Variants in PDE4D observed in about 807,000 individuals in gnomAD.
PDE4D encodes the protein 3',5'-cyclic-AMP phosphodiesterase 4D.
Under a neutral mutation model 87.4 loss-of-function variants are expected in PDE4D, and 24 were observed. That is an observed-to-expected ratio of 0.27 (90% CI 0.20 to 0.39). The LOEUF (loss-of-function observed/expected upper bound fraction) is 0.39. Ranked by LOEUF, PDE4D falls within the 10% of genes least tolerant of loss-of-function variation. The pLI is 1.00. For missense variants in PDE4D, 714 were observed against 1,041.0 expected, an observed-to-expected ratio of 0.69 and a Z score of 4.32; for synonymous variants, 384 against 383.2, an observed-to-expected ratio of 1.00 and a Z score of -0.02.
intron 2 of PDE4D, among the ~76,000 whole-genome samples, chr5:60,063,021 C>T (rs1402882840): frequency 6.7e-6 from 1 of 149,994 alleles, no homozygotes; most frequent in Non-Finnish European, 1.5e-5. Flanking sequence ...CATCGTGACA[C>T]ACATATACTG....
chr5:59,813,767 C>T (rs1768648709), intron 1 of PDE4D, among the ~76,000 whole-genome samples: 1 of 152,184 alleles, frequency 6.6e-6, no homozygotes, highest in South Asian at 2.1e-4. Context: ...GTTGCCAATG[C>T]TTGGCACATC....
At chr5:60,212,563 G>C (rs993473365) in intron 1 of PDE4D, among the ~76,000 whole-genome samples, 3 of 152,120 alleles carry the variant, frequency 2.0e-5, no homozygotes, top group Non-Finnish European at 4.4e-5. Flanking sequence ...CTGGTTTCCA[G>C]AGTTCAGTTT....
intron 1 of PDE4D, among the ~76,000 whole-genome samples, chr5:60,217,652 T>G (rs1054375687): frequency 6.6e-6 from 1 of 151,954 alleles, no homozygotes; most frequent in Non-Finnish European, 1.5e-5. Flanking sequence ...CAGATACTTG[T>G]TAATTTGATT....
intron 3 of PDE4D, among the ~76,000 whole-genome samples, chr5:59,926,432 T>A (rs1253841120): frequency 6.6e-6 from 1 of 151,780 alleles, no homozygotes; most frequent in African/African-American, 2.4e-5. Context: ...AAAACCCTAA[T>A]GATGCACCTG....
chr5:60,232,281 C>T (rs1745906531), intron 1 of PDE4D, among the ~76,000 whole-genome samples: 1 of 151,924 alleles, frequency 6.6e-6, no homozygotes, highest in East Asian at 1.9e-4. Flanking sequence ...CTGTGGTTAT[C>T]ATTATGGTTC....
chr5:59,157,738 C>G (rs956761316), intron 5 of PDE4D, among the ~76,000 whole-genome samples: 5 of 152,170 alleles, frequency 3.3e-5, no homozygotes, highest in African/African-American at 1.2e-4. Flanking sequence ...GCTAATACTT[C>G]TCCCTCCAAT....
chr5:59,343,374 A>C (rs1040472782), intron 1 of PDE4D, among the ~76,000 whole-genome samples: 2 of 151,728 alleles, frequency 1.3e-5, no homozygotes, highest in African/African-American at 4.8e-5. Flanking sequence ...TGCCTCTGTG[A>C]GTTTGACTTT....
intron 1 of PDE4D, among the ~76,000 whole-genome samples, chr5:59,578,039 T>C (rs1823468842): frequency 6.6e-6 from 1 of 152,184 alleles, no homozygotes; most frequent in Admixed American, 6.6e-5. Context: ...AAGAAATTTT[T>C]GTAAAAGCAG....
intron 6 of PDE4D, among the ~76,000 whole-genome samples, chr5:59,035,715 C>T (rs1758389762): frequency 6.6e-6 from 1 of 152,152 alleles, no homozygotes; most frequent in Admixed American, 6.6e-5. Flanking sequence ...TAATGTAACT[C>T]CATTAGCAAG....
At chr5:59,569,510 T>C (rs1047535699) in intron 1 of PDE4D, among the ~76,000 whole-genome samples, 3 of 152,200 alleles carry the variant, frequency 2.0e-5, no homozygotes, top group African/African-American at 4.8e-5. Flanking sequence ...CATCTACTTA[T>C]GATTTTTTAT....
In PDE4D at chr5:59,909,456, C is replaced by T. The variant is rs116332470; in HGVS notation, c.272+79032G>A. 4.1e-3 allele frequency among the ~76,000 whole-genome samples: 630 copies of T among 151,916 alleles called. 8 individuals carry two copies. The highest frequency in any genetic ancestry group is 0.013 in the African/African-American group (522 of 41,400). ...TGTTACCCAGGCTGGAGTGCCCTGG[C>T]GCAATCATGGCTCACTGCAGCTTCA... On this transcript the variant is annotated intron_variant, in intron 3 of 16. Coordinates refer to the PDE4D transcript ENST00000502484.
chr5:60,010,858 T>C (rs1320398204), intron 2 of PDE4D, among the ~76,000 whole-genome samples: 2 of 152,136 alleles, frequency 1.3e-5, no homozygotes, highest in Admixed American at 6.6e-5. Flanking sequence ...GTTATTGGTA[T>C]TATCTAAAAT....
At chr5:59,553,495 C>T (rs899207994) in intron 1 of PDE4D, among the ~76,000 whole-genome samples, 3 of 152,054 alleles carry the variant, frequency 2.0e-5, no homozygotes, top group Non-Finnish European at 4.4e-5. Flanking sequence ...AACCTAGCTG[C>T]GAAGCAATTT....
At chr5:60,047,435 T>C (rs949877034) in intron 2 of PDE4D, among the ~76,000 whole-genome samples, 10 of 152,246 alleles carry the variant, frequency 6.6e-5, no homozygotes, top group South Asian at 6.2e-4. Flanking sequence ...GCTCTTGCTT[T>C]TCTAGTTCTT....
intron 1 of PDE4D, among the ~76,000 whole-genome samples, chr5:60,354,903 A>T (rs976510460): frequency 2.0e-5 from 3 of 152,196 alleles, no homozygotes; most frequent in African/African-American, 4.8e-5. Flanking sequence ...CATTTGGCAG[A>T]ATCCACTCTC....
chr5:60,332,256 G>C (rs2149872234), intron 1 of PDE4D, among the ~76,000 whole-genome samples: 1 of 152,262 alleles, frequency 6.6e-6, no homozygotes, highest in East Asian at 1.9e-4. Context: ...TGATGCTAAG[G>C]TTTGGGCTTC....
chr5:59,079,085 C>G (rs1766210463), intron 5 of PDE4D, among the ~76,000 whole-genome samples: 1 of 152,086 alleles, frequency 6.6e-6, no homozygotes, highest in Admixed American at 6.6e-5. Flanking sequence ...TGATAAATTA[C>G]CTAGTCTCAA....
intron 1 of PDE4D, among the ~76,000 whole-genome samples, chr5:59,330,002 G>A (rs1363359341): frequency 6.6e-6 from 1 of 152,150 alleles, no homozygotes; most frequent in Non-Finnish European, 1.5e-5. Context: ...GTGAGTCAAA[G>A]CCATTCTATA....
intron 5 of PDE4D, among the ~76,000 whole-genome samples, chr5:59,085,403 G>T (rs979097454): frequency 1.8e-4 from 27 of 151,776 alleles, no homozygotes; most frequent in African/African-American, 6.5e-4. Context: ...TCTCTCAATG[G>T]CATAATTATT....
Sources: gnomAD v4.1 joint callset for allele counts (sites outside exome capture counted in the v4.1 genomes callset) on GRCh38, gnomAD v4.1.1 for gene constraint, MANE v1.5 for transcripts, NCBI Gene and HGNC (gene_info 2026-07-23, HGNC 2026-07-21) for gene names.